Variants in CHST9 observed in about 807,000 individuals in gnomAD.
CHST9 encodes carbohydrate sulfotransferase 9, also known as GalNAc-4-sulfotransferase 2.
A neutral mutation model predicts 44.4 loss-of-function variants in CHST9; 41 were observed. That is an observed-to-expected ratio of 0.92 (90% confidence interval 0.72 to 1.20). The LOEUF (loss-of-function observed/expected upper bound fraction) is 1.20. Among genes scored for constraint, CHST9 ranks in the 50% most tolerant of loss-of-function variants. The probability of loss-of-function intolerance (pLI) is 0.00; values close to 1 mark genes in which losing one functional copy is unlikely to be tolerated. For synonymous variants in CHST9, 171 were observed against 178.4 expected (o/e 0.96, Z 0.33); for missense variants, 504 against 516.5 (o/e 0.98, Z 0.23).
intron 4 of CHST9, among the ~76,000 whole-genome samples, chr18:27,020,737 T>C (rs890447748): frequency 1.4e-4 from 22 of 152,200 alleles, no homozygotes; most frequent in Non-Finnish European, 2.6e-4. Context: ...ATATTTCCTT[T>C]ATTACTGCCA....
At chr18:26,991,505 C>CAG (rs58345594) in intron 4 of CHST9, among the ~76,000 whole-genome samples, 51,911 of 151,694 alleles carry the variant, frequency 0.34, 9,570 homozygotes, top group East Asian at 0.46. Flanking sequence ...AGCTGGGATC[C>CAG]AGAGAGAGAT....
chr18:26,951,664 A>C (rs910633845), intron 4 of CHST9, among the ~76,000 whole-genome samples: 3 of 152,222 alleles, frequency 2.0e-5, no homozygotes, highest in African/African-American at 7.2e-5. Context: ...TTACATAAAA[A>C]GTTACAATTA....
intron 1 of CHST9, among the ~76,000 whole-genome samples, chr18:27,175,389 G>T (rs956718601): frequency 6.6e-6 from 1 of 151,946 alleles, no homozygotes; most frequent in Non-Finnish European, 1.5e-5. Context: ...AATTATCAAG[G>T]GATTCCACAT....
At position 26,916,410 on chromosome 18, in the gene CHST9, T is replaced by G; in HGVS notation, c.1181A>C (p.Asn394Thr). ...IGAPKELKFP[N>T]FKDRHSSDER... is the part of the protein sequence containing the mutation. ...ATCGGAAGAGTGCCTATCCTTAAAG[T>G]TGGGAAATTTCAGCTCCTTTGGAGC... Residue 394 changes from asparagine (N) to threonine (T), a missense_variant, in exon 6 of 6, where the codon AAC (asparagine) becomes ACC (threonine). Coordinates refer to ENST00000618847, the MANE Select transcript of CHST9 (RefSeq NM_031422.6). The G allele has an allele frequency of 1.2e-6, 2 of 1,613,792 alleles. No homozygotes were observed. Among genetic ancestry groups the G allele is most frequent in the South Asian group, 2.2e-5 (2 of 91,072 alleles).
At chr18:26,931,692 G>A (rs138031948) in intron 5 of CHST9, among the ~76,000 whole-genome samples, 493 of 152,292 alleles carry the variant, frequency 3.2e-3, no homozygotes, top group African/African-American at 0.011. Context: ...TCAGTTACAG[G>A]AGACCTCCTG....
At chr18:27,171,060 G>A (rs143745456) in intron 1 of CHST9, among the ~76,000 whole-genome samples, 1,906 of 152,284 alleles carry the variant, frequency 0.013, 15 homozygotes, top group Non-Finnish European at 0.018. Context: ...GAAGAAAAGC[G>A]CATGACTACA....
At chr18:26,919,272 G>A (rs576411957) in intron 5 of CHST9, among the ~76,000 whole-genome samples, 8 of 152,262 alleles carry the variant, frequency 5.3e-5, no homozygotes, top group South Asian at 2.1e-4. Context: ...CCATTGGACC[G>A]TCTATTTGGA....
At chr18:27,154,457 A>G (rs527784487) in intron 1 of CHST9, among the ~76,000 whole-genome samples, 1 of 152,208 alleles carries the variant, frequency 6.6e-6, no homozygotes, top group Admixed American at 6.6e-5. Flanking sequence ...AGAAGAATGA[A>G]TAGATTTGTG....
chr18:27,161,889 T>C (rs1875934836), intron 1 of CHST9, among the ~76,000 whole-genome samples: 1 of 152,008 alleles, frequency 6.6e-6, no homozygotes, highest in African/African-American at 2.4e-5. Context: ...TTTTGATCTT[T>C]GTTGGTTTAA....
chr18:27,019,388 G>A (rs1400056578), intron 4 of CHST9, among the ~76,000 whole-genome samples: 1 of 152,040 alleles, frequency 6.6e-6, no homozygotes, highest in Non-Finnish European at 1.5e-5. Context: ...CCTTTTGCTG[G>A]TACATAAACC....
intron 2 of CHST9, among the ~76,000 whole-genome samples, chr18:27,076,005 T>C (rs953326858): frequency 2.0e-5 from 3 of 152,218 alleles, no homozygotes; most frequent in Non-Finnish European, 4.4e-5. Flanking sequence ...CATTGGAGGC[T>C]GTCCTGCCAT....
intron 2 of CHST9, among the ~76,000 whole-genome samples, chr18:27,102,859 C>CT (rs11322592): frequency 1.3e-5 from 2 of 150,094 alleles, no homozygotes; most frequent in African/African-American, 4.9e-5. Flanking sequence ...GGATTCAACA[C>CT]TTTTTTTTTT....
chr18:27,015,056 A>C (rs546327622), intron 4 of CHST9, among the ~76,000 whole-genome samples: 1 of 152,118 alleles, frequency 6.6e-6, no homozygotes, highest in Non-Finnish European at 1.5e-5. Flanking sequence ...ACTTGTTTCC[A>C]TTTGAGCCTC....
At chr18:27,033,978 G>A (rs1422014969) in intron 3 of CHST9, among the ~76,000 whole-genome samples, 1 of 152,056 alleles carries the variant, frequency 6.6e-6, no homozygotes, top group African/African-American at 2.4e-5. Flanking sequence ...ACCAAGTCCT[G>A]TTCATTCCTT....
At chr18:26,922,446 A>G (rs949646439) in intron 5 of CHST9, among the ~76,000 whole-genome samples, 1 of 152,166 alleles carries the variant, frequency 6.6e-6, no homozygotes, top group African/African-American at 2.4e-5. Flanking sequence ...ACTGCAGCTA[A>G]ATTGTAAGCT....
At chr18:27,128,265 T>G (rs2058442111) in intron 2 of CHST9, among the ~76,000 whole-genome samples, 1 of 152,106 alleles carries the variant, frequency 6.6e-6, no homozygotes, top group Non-Finnish European at 1.5e-5. Flanking sequence ...CAAAATCATT[T>G]TTATTTTATT....
chr18:27,178,729 A>T (rs1454489932), intron 1 of CHST9, among the ~76,000 whole-genome samples: 1 of 152,068 alleles, frequency 6.6e-6, no homozygotes, highest in Non-Finnish European at 1.5e-5. Context: ...TGAAACAGAC[A>T]AAACTGACCA....
intron 1 of CHST9, among the ~76,000 whole-genome samples, chr18:27,162,725 C>T (rs952163255): frequency 6.6e-6 from 1 of 151,966 alleles, no homozygotes; most frequent in Non-Finnish European, 1.5e-5. Context: ...AATTTTTTTT[C>T]GAGGTTTTTA....
intron 3 of CHST9, among the ~76,000 whole-genome samples, chr18:27,033,551 T>C (rs746324446): frequency 6.6e-6 from 1 of 152,188 alleles, no homozygotes; most frequent in Non-Finnish European, 1.5e-5. Context: ...GTTTGCGTCA[T>C]TCCCTCCCTT....
Sources: allele counts gnomAD v4.1 joint callset (sites outside exome capture counted in the v4.1 genomes callset), GRCh38; gene constraint gnomAD v4.1.1; transcripts MANE v1.5; gene names NCBI Gene and HGNC (gene_info 2026-07-23, HGNC 2026-07-21).